The following NPAT variants were observed in gnomAD, a reference collection of about 807,000 sequenced individuals.
NPAT encodes the protein protein NPAT.
Under a neutral mutation model 130.7 loss-of-function variants are expected in NPAT, and 52 were observed. The observed-to-expected ratio is 0.40, with a 90% CI of 0.32 to 0.50. The LOEUF (loss-of-function observed/expected upper bound fraction) is 0.50, where lower values mean the gene tolerates loss of function less well. NPAT is among the 20% of genes least tolerant of loss of function. The pLI is 0.68. For synonymous variants in NPAT, 580 were observed against 584.8 expected (o/e 0.99, Z 0.12); for missense variants, 1,687 against 1,662.6 (o/e 1.01, Z -0.26).
rs147897489 is a variant in NPAT, at chr11:108,196,871, T to C, written c.156+431A>G. On this transcript the variant is annotated intron_variant, in intron 2 of 17. Coordinates refer to ENST00000278612, the MANE Select transcript of NPAT (RefSeq NM_002519.3). ...GATTAAAATAAAATGGCAAACACCA[T>C]GTGAAATGATGTAGTTCTGGAAGGT... 3.3e-5 allele frequency among the ~76,000 whole-genome samples: 5 copies of C among 152,374 alleles called. No homozygotes were observed. The East Asian group carries it at 7.7e-4, about 23-fold the overall frequency.
chr11:108,193,999 A>C lies in NPAT; in HGVS notation c.175T>G (p.Leu59Val). Residue 59 changes from leucine to valine, a missense_variant, in exon 3 of 18, where the codon TTG becomes GTG. Coordinates refer to ENST00000278612, the MANE Select transcript of NPAT (RefSeq NM_002519.3). Reference sequence around the variant, plus strand: ...ACATACTCATTTAAAATTGTTGTCAAGTTTTTTCCAAATAAGGACTGAAAA... The same window carrying C: ...ACATACTCATTTAAAATTGTTGTCACGTTTTTTCCAAATAAGGACTGAAAA... ...ACLLSLFGKN[L>V]TTILNEYVAM... 6.4e-7 allele frequency: 1 copy of C among 1,558,640 alleles called. No homozygotes were observed.
intron 1 of NPAT, among the ~76,000 whole-genome samples, chr11:108,210,329 T>C (rs1188207931): frequency 6.6e-6 from 1 of 152,176 alleles, no homozygotes; most frequent in Non-Finnish European, 1.5e-5. Context: ...GGGAGGTGTT[T>C]TGGCCACAGG....
chr11:108,162,093 CTA>C, intron 16 of NPAT, 25 bp downstream of exon 16: 1 of 1,612,292 alleles, frequency 6.2e-7, no homozygotes, highest in Non-Finnish European at 8.5e-7. Context: ...TTCAAACAAT[CTA>C]TGATAGAAAC....
chr11:108,169,834 T>C lies in NPAT; in HGVS notation c.2920A>G (p.Thr974Ala), dbSNP rs2077933754. 1.2e-6 allele frequency: 2 copies of C among 1,613,824 alleles called. No homozygotes were observed. The highest frequency in any genetic ancestry group is 1.7e-6 in the Non-Finnish European group (2 of 1,179,822). ...ATACTTCTATTGCATACAGGTGCTG[T>C]CAAAGGCATATGAAGAACCTGGAAG... Reference protein sequence around the residue: ...PPRQVLHMPLTAPVCNRSIPQ... With the variant: ...PPRQVLHMPLAAPVCNRSIPQ... Residue 974 changes from threonine to alanine, a missense_variant, in exon 15 of 18, where the codon ACA (threonine) becomes GCA (alanine). By Grantham distance (58) the Thr-to-Ala change is moderately conservative. This residue lies in a region of NPAT where 1,379 missense variants were observed against 1,346.6 expected (regional missense o/e 1.02). Coordinates refer to ENST00000278612, the MANE Select transcript of NPAT (RefSeq NM_002519.3).
At chr11:108,175,672 C>G (rs759740223) in intron 12 of NPAT, among the ~76,000 whole-genome samples, 17 of 152,156 alleles carry the variant, frequency 1.1e-4, no homozygotes, top group Admixed American at 2.0e-4. Flanking sequence ...AGGAGGCACA[C>G]AGTCTGAGAT....
At position 108,172,538 on chromosome 11, in the gene NPAT, T is replaced by C. The variant is rs34027029; in HGVS notation, c.2446A>G (p.Thr816Ala). The C allele has an allele frequency of 3.0e-4, 477 of 1,614,110 alleles. 3 individuals carry two copies. The highest frequency in any genetic ancestry group is 1.2e-3 in the Middle Eastern group (7 of 6,084). ...DSASMEQSLL[T>A]FKSEDSAVNN... ...ACTGCAGAGTCTTCAGATTTGAATG[T>C]TAAAAGACTCTGTTCCATTGAGGCT... is the stretch of plus-strand genomic sequence containing the variant. The change falls in exon 13 of 18, where the codon ACA becomes GCA. Residue 816 changes from threonine to alanine, a missense_variant. This residue lies in a region of NPAT where 1,379 missense variants were observed against 1,346.6 expected (regional missense o/e 1.02). Transcript: ENST00000278612.
At chr11:108,186,002 C>G (rs1003935085) in intron 8 of NPAT, among the ~76,000 whole-genome samples, 1 of 150,506 alleles carries the variant, frequency 6.6e-6, no homozygotes, top group Admixed American at 6.6e-5. Context: ...ATTACAGGTA[C>G]AAGCCACTAC....
intron 4 of NPAT, among the ~76,000 whole-genome samples, chr11:108,190,962 G>C (rs551496725): frequency 1.3e-5 from 2 of 152,234 alleles, no homozygotes; most frequent in South Asian, 4.1e-4. Context: ...CTAGGTACTT[G>C]GGAGGCTGAG....
intron 11 of NPAT, 62 bp downstream of exon 11, chr11:108,176,932 T>G (rs976679789): frequency 6.6e-6 from 7 of 1,058,424 alleles, no homozygotes; most frequent in South Asian, 6.3e-5. Flanking sequence ...TCACTCTGGT[T>G]AAGTTACCAA....
At chr11:108,215,840 T>A (rs1591421418) in intron 1 of NPAT, among the ~76,000 whole-genome samples, 1 of 152,230 alleles carries the variant, frequency 6.6e-6, no homozygotes, top group East Asian at 1.9e-4. Context: ...CATTGTGTTT[T>A]GGAGAAAGCA....
rs562853487 is a variant in NPAT at position 108,171,372 on chromosome 11, C to G, written c.2785+827G>C. 4 of 152,228 alleles carry G rather than the reference C, an allele frequency of 2.6e-5. No individual in the cohort carries two copies. In the East Asian group the frequency reaches 7.7e-4, roughly 29 times the overall value. 9.4% of individuals were successfully genotyped at this position (152,228 alleles called of 1,614,324 possible). ...TCCTGACCTCGGGTGATCTGCCCGC[C>G]TCGGCCTCCCAAAGTGCTGGGATTA... On this transcript the variant is annotated intron_variant, in intron 13 of 17. Coordinates refer to ENST00000278612, the MANE Select transcript of NPAT (RefSeq NM_002519.3).
Position 108,158,237 on chromosome 11 carries a change from CTT to C in NPAT, c.*703_*704del, listed in dbSNP as rs1459070145. ...AACCACTTAAAGTTCTGTAAAAAAT[CTT>C]AAGTTATAAATGAAAGATCAGAACA... On this transcript the variant is annotated 3_prime_UTR_variant, in exon 18 of 18. Coordinates refer to ENST00000278612, the MANE Select transcript of NPAT (RefSeq NM_002519.3). The C allele has an allele frequency of 6.6e-6, 1 of 152,246 alleles. No homozygotes were observed. The highest frequency in any genetic ancestry group is 1.5e-5 in the Non-Finnish European group (1 of 67,876). 9.4% of individuals were successfully genotyped at this position (152,246 alleles called of 1,614,324 possible). A position where few individuals can be genotyped will look rare whatever the true frequency, so the allele number is the denominator to read the frequency against.
Position 108,189,178 on chromosome 11 carries a change from C to T in NPAT, c.484G>A (p.Gly162Ser). 1 of 1,614,098 alleles carries T rather than the reference C, an allele frequency of 6.2e-7. No homozygotes were observed. The highest frequency in any genetic ancestry group is 8.5e-7 in the Non-Finnish European group (1 of 1,180,032). ...STGTQVTRPS[G>S]QISDPSRSYF... ...GACCTCGATGGATCTGAAATTTGGCCACTTGGTCGAGTAACCTGTGTACCT... is the reference window on the plus strand; with the variant it reads ...GACCTCGATGGATCTGAAATTTGGCTACTTGGTCGAGTAACCTGTGTACCT... The change falls in exon 6 of 18, where the codon GGC (glycine) becomes AGC (serine). Residue 162 changes from glycine (G) to serine (S), a missense_variant. By Grantham distance (56) the Gly-to-Ser change is moderately conservative. Coordinates refer to ENST00000278612, the MANE Select transcript of NPAT (RefSeq NM_002519.3).
intron 4 of NPAT, among the ~76,000 whole-genome samples, chr11:108,191,010 A>C (rs1283284732): frequency 6.6e-6 from 1 of 152,214 alleles, no homozygotes; most frequent in East Asian, 1.9e-4. Flanking sequence ...TCAAGGCTAC[A>C]AGAGCTATGA....
In NPAT at chr11:108,222,444, TC is replaced by T. The variant is rs1251215085; in HGVS notation, c.37+55del. ...AAGGGAAAACCTTTGGCCTCAAAGG[TC>T]CTTCTGTCCAGCATAGCCGGGTCCA... is the stretch of plus-strand genomic sequence containing the variant. On this transcript the variant is annotated intron_variant, in intron 1 of 17. Coordinates refer to ENST00000278612, the MANE Select transcript of NPAT (RefSeq NM_002519.3). 4 of 1,595,700 alleles carry T rather than the reference TC, an allele frequency of 2.5e-6. No individual in the cohort carries two copies. In the Admixed American group the frequency reaches 6.8e-5, roughly 27 times the overall value.
chr11:108,222,633 G>C lies in NPAT; in HGVS notation c.-97C>G. 5 of 1,346,388 alleles carry C rather than the reference G, an allele frequency of 3.7e-6. No homozygotes were observed. The highest frequency in any genetic ancestry group is 1.2e-5 in the South Asian group (1 of 82,790). The allele number at this position is 1,346,388 out of a possible 1,614,324, so 83.4% of individuals were successfully genotyped here. ...CGCCGCATCTCCTGGTTCCAGTGGCGGCACTGAACTCGCGGCAATTTGTCC... is the reference window on the plus strand; with the variant it reads ...CGCCGCATCTCCTGGTTCCAGTGGCCGCACTGAACTCGCGGCAATTTGTCC... On this transcript the variant is annotated 5_prime_UTR_variant, in exon 1 of 18. Coordinates refer to ENST00000278612, the MANE Select transcript of NPAT (RefSeq NM_002519.3).
chr11:108,184,153 G>A (rs2078082333), intron 10 of NPAT, among the ~76,000 whole-genome samples: 1 of 152,056 alleles, frequency 6.6e-6, no homozygotes, highest in African/African-American at 2.4e-5. Flanking sequence ...CATTTGGTTA[G>A]CAATCTTTCT....
chr11:108,221,338 C>G (rs1264466493), intron 1 of NPAT, among the ~76,000 whole-genome samples: 1 of 152,122 alleles, frequency 6.6e-6, no homozygotes, highest in African/African-American at 2.4e-5. Flanking sequence ...GGCTGAGAAA[C>G]CATGTTTAAG....
intron 1 of NPAT, among the ~76,000 whole-genome samples, chr11:108,202,001 C>T (rs73006226): frequency 6.6e-6 from 1 of 151,912 alleles, no homozygotes; most frequent in Non-Finnish European, 1.5e-5. Context: ...GCAATAGTCA[C>T]CCTAAATGAT....
Sources: gnomAD v4.1 joint callset for allele counts (sites outside exome capture counted in the v4.1 genomes callset) on GRCh38, gnomAD v4.1.1 for gene constraint, gnomAD v4.1.1 regional missense constraint, MANE v1.5 for transcripts, NCBI Gene and HGNC (gene_info 2026-07-23, HGNC 2026-07-21) for gene names.